The following RAD52 variants were observed in gnomAD, a reference collection of about 807,000 sequenced individuals.
RAD52 encodes the protein DNA repair protein RAD52 homolog.
RAD52 carries 47 observed loss-of-function variants against 55.5 expected under a neutral mutation model. The ratio of observed to expected loss-of-function variants is 0.85; its 90% CI spans 0.67 to 1.08. The LOEUF (loss-of-function observed/expected upper bound fraction) is 1.08. Ranked by LOEUF, RAD52 falls within the 50% of genes least tolerant of loss-of-function variation. The pLI, the probability that RAD52 is intolerant of heterozygous loss-of-function variation, is 0.00. For synonymous variants in RAD52, 184 were observed against 198.9 expected (o/e 0.92, Z 0.63); for missense variants, 468 against 522.8 (o/e 0.90, Z 1.02).
At chr12:970,348 A>G (rs868279687) in intron 1 of RAD52, among the ~76,000 whole-genome samples, 4 of 149,284 alleles carry the variant, frequency 2.7e-5, no homozygotes, top group Middle Eastern at 3.5e-3. Flanking sequence ...AAAAGTCATA[A>G]TTTAGTCCTA....
At chr12:969,747 A>G (rs1376924446) in intron 1 of RAD52, among the ~76,000 whole-genome samples, 1 of 151,714 alleles carries the variant, frequency 6.6e-6, no homozygotes, top group African/African-American at 2.4e-5. Flanking sequence ...CTATGATCAC[A>G]CCACTGCACT....
chr12:982,623 C>T (rs1034308523), intron 1 of RAD52, among the ~76,000 whole-genome samples: 27 of 151,156 alleles, frequency 1.8e-4, no homozygotes, highest in Admixed American at 1.3e-4. Flanking sequence ...TTATTCCTTA[C>T]TCCTACCAAC....
chr12:967,826 T>G (rs937744976), intron 1 of RAD52, among the ~76,000 whole-genome samples: 3 of 151,986 alleles, frequency 2.0e-5, no homozygotes, highest in Non-Finnish European at 4.4e-5. Context: ...GTCCCAGCTA[T>G]TTGAGAGGCT....
chr12:985,944 T>C (rs1269985058), intron 1 of RAD52, among the ~76,000 whole-genome samples: 2 of 151,488 alleles, frequency 1.3e-5, no homozygotes, highest in Non-Finnish European at 2.9e-5. Context: ...TGGCCTTTTT[T>C]TTTTTTTGAG....
intron 7 of RAD52, among the ~76,000 whole-genome samples, chr12:924,552 G>C (rs1956918100): frequency 6.6e-6 from 1 of 152,180 alleles, no homozygotes; most frequent in African/African-American, 2.4e-5. Flanking sequence ...GCACAGGATG[G>C]GAATGCTGCC....
At chr12:934,090 T>A in intron 1 of RAD52, among the ~76,000 whole-genome samples, 3 of 131,592 alleles carry the variant, frequency 2.3e-5, no homozygotes, top group African/African-American at 5.8e-5. Context: ...TGACAGAGTG[T>A]CTGACTCTGT....
chr12:919,596 G>A (rs367654635), intron 7 of RAD52, among the ~76,000 whole-genome samples: 5 of 150,444 alleles, frequency 3.3e-5, no homozygotes, highest in South Asian at 2.1e-4. Context: ...TAAAAAATAC[G>A]AAACATTAGT....
intron 11 of RAD52, 28 bp downstream of exon 11, chr12:913,865 AT>A: frequency 6.3e-7 from 1 of 1,582,520 alleles, no homozygotes; most frequent in Non-Finnish European, 8.7e-7. Flanking sequence ...TCTCCCCTTA[AT>A]TTTTGTGCCT....
rs547403020 is a variant in RAD52, at chr12:940,321, G to C, written c.-18-7245C>G. ...AATGAAAGGGTACCCTCTGTTGGCC[G>C]GGCGCGGTGGCTCACGCCTGTAATC... On this transcript the variant is annotated intron_variant, in intron 1 of 11. Transcript: ENST00000358495. Among the ~76,000 whole-genome samples, 292 of 152,072 alleles carry C rather than the reference G, an allele frequency of 1.9e-3. 1 individual carries two copies. The Middle Eastern group carries it at 0.024, about 12-fold the overall frequency.
At chr12:950,551 G>A (rs1289782013), upstream of RAD52, among the ~76,000 whole-genome samples, 3 of 139,292 alleles carry the variant, frequency 2.2e-5, no homozygotes, top group Admixed American at 7.6e-5. Context: ...CAGCCTGGGC[G>A]ACAGAGCGAG....
chr12:967,660 A>G (rs1958788049), intron 1 of RAD52, among the ~76,000 whole-genome samples: 1 of 151,980 alleles, frequency 6.6e-6, no homozygotes, highest in South Asian at 2.1e-4. Context: ...GCCGAAGTTC[A>G]GTGGCGCGAC....
chr12:927,066 C>T (rs1957074995), intron 6 of RAD52, 79 bp downstream of exon 6: 8 of 1,528,114 alleles, frequency 5.2e-6, no homozygotes, highest in African/African-American at 2.7e-5. Flanking sequence ...GGATGTGTTA[C>T]CTCTTCCAAA....
chr12:971,272 G>A (rs914684710), intron 1 of RAD52, among the ~76,000 whole-genome samples: 1 of 151,786 alleles, frequency 6.6e-6, no homozygotes, highest in African/African-American at 2.4e-5. Context: ...TGAAAACATT[G>A]TGGGGAAGGG....
At chr12:972,996 A>G (rs1958884835) in intron 1 of RAD52, among the ~76,000 whole-genome samples, 1 of 119,128 alleles carries the variant, frequency 8.4e-6, no homozygotes, top group Non-Finnish European at 1.7e-5. Flanking sequence ...TTTGTGCAAG[A>G]AAGTGACAGA....
chr12:954,312 T>G (rs1263917691), upstream of RAD52, among the ~76,000 whole-genome samples: 1 of 152,194 alleles, frequency 6.6e-6, no homozygotes, highest in Admixed American at 6.5e-5. Flanking sequence ...CATAGTGTCA[T>G]TTCCTAAACA....
chr12:912,552 G>A lies in RAD52; in HGVS notation c.*839C>T, dbSNP rs903866119. 1 of 181,364 alleles carries A rather than the reference G, an allele frequency of 5.5e-6. No individual in the cohort carries two copies. The allele number at this position is 181,364 out of a possible 1,614,324, so 11.2% of individuals were successfully genotyped here. Reference sequence around the variant, plus strand: ...ATTCTATTTTGTTAATAAGGTATACGATTTGCTTTCTCAAAAATGCCTTTT... The same window carrying A: ...ATTCTATTTTGTTAATAAGGTATACAATTTGCTTTCTCAAAAATGCCTTTT... On this transcript the variant is annotated 3_prime_UTR_variant, in exon 12 of 12. Coordinates refer to ENST00000358495, the MANE Select transcript of RAD52 (RefSeq NM_134424.4).
intron 1 of RAD52, among the ~76,000 whole-genome samples, chr12:983,735 G>C (rs1188290794): frequency 1.3e-5 from 2 of 152,066 alleles, no homozygotes; most frequent in East Asian, 3.9e-4. Flanking sequence ...CATCTTCTTG[G>C]ATCTGCACAG....
At chr12:957,721 C>T (rs1028769991) in intron 1 of RAD52, among the ~76,000 whole-genome samples, 8 of 151,988 alleles carry the variant, frequency 5.3e-5, no homozygotes, top group East Asian at 1.9e-4. Flanking sequence ...GCCCAGGAGG[C>T]GGAGGTTGCA....
At chr12:931,117 A>T in intron 3 of RAD52, 103 bp downstream of exon 3, 4 of 904,292 alleles carry the variant, frequency 4.4e-6, no homozygotes, top group Non-Finnish European at 6.9e-6. Context: ...AGGAACAGTT[A>T]ACAGCAGACT....
Sources: allele counts gnomAD v4.1 joint callset (sites outside exome capture counted in the v4.1 genomes callset), GRCh38; gene constraint gnomAD v4.1.1; transcripts MANE v1.5; gene names NCBI Gene and HGNC (gene_info 2026-07-23, HGNC 2026-07-21).